Variants in IL1RAPL1 observed in about 807,000 individuals in gnomAD.
The protein encoded by IL1RAPL1 is interleukin-1 receptor accessory protein-like 1.
IL1RAPL1 carries 3 observed loss-of-function variants against 48.4 expected under a neutral mutation model. The ratio of observed to expected loss-of-function variants is 0.06; its 90% CI spans 0.03 to 0.16. The LOEUF is 0.16. Among genes scored for constraint, IL1RAPL1 ranks in the 10% least tolerant of loss-of-function variants. IL1RAPL1 has a pLI of 1.00. For synonymous variants in IL1RAPL1, 185 were observed against 187.7 expected, an observed-to-expected ratio of 0.99 and a Z score of 0.12; for missense variants, 349 against 530.6, an observed-to-expected ratio of 0.66 and a Z score of 3.36.
At chrX:29,821,798 A>G (rs1181584906) in intron 6 of IL1RAPL1, among the ~76,000 whole-genome samples, 1 of 112,700 alleles carries the variant, frequency 8.9e-6, no homozygotes, top group African/African-American at 3.2e-5. Context: ...GACAGGCATA[A>G]TCCTGAACCT....
chrX:28,988,150 A>T (rs1601998038), intron 2 of IL1RAPL1, among the ~76,000 whole-genome samples: 2 of 111,371 alleles, frequency 1.8e-5, no homozygotes, highest in Admixed American at 1.9e-4. Flanking sequence ...TTTTTTTTTA[A>T]CTACGAATGG....
intron 3 of IL1RAPL1, among the ~76,000 whole-genome samples, chrX:29,377,122 C>T (rs886546530): frequency 2.3e-4 from 26 of 111,945 alleles, no homozygotes; most frequent in Non-Finnish European, 3.9e-4. Context: ...CCTTCTTTGT[C>T]CTTCTTTATT....
intron 3 of IL1RAPL1, among the ~76,000 whole-genome samples, chrX:29,313,182 C>T (rs1205671189): frequency 1.8e-5 from 2 of 110,548 alleles, no homozygotes; most frequent in African/African-American, 6.6e-5. Flanking sequence ...AAATAGCCTT[C>T]AAAATTTTGA....
At chrX:28,804,897 T>C (rs1936712844) in intron 2 of IL1RAPL1, among the ~76,000 whole-genome samples, 1 of 111,259 alleles carries the variant, frequency 9.0e-6, no homozygotes, top group Admixed American at 9.7e-5. Flanking sequence ...ATGGAATACA[T>C]CTATATCAGG....
chrX:28,671,419 TTA>T (rs1934946098), intron 1 of IL1RAPL1, among the ~76,000 whole-genome samples: 3 of 111,981 alleles, frequency 2.7e-5, no homozygotes, highest in South Asian at 7.4e-4. Context: ...TATGATGAAA[TTA>T]CTAGAGTTTT....
chrX:29,883,139 C>G (rs1015438773), intron 6 of IL1RAPL1, among the ~76,000 whole-genome samples: 15 of 111,519 alleles, frequency 1.3e-4, no homozygotes, highest in Non-Finnish European at 2.3e-4. Context: ...ACATATACAA[C>G]TGGTAGAAGC....
At chrX:29,684,738 T>C (rs753508424) in intron 6 of IL1RAPL1, among the ~76,000 whole-genome samples, 4 of 111,870 alleles carry the variant, frequency 3.6e-5, no homozygotes, top group African/African-American at 1.3e-4. Flanking sequence ...ATGAACAGAA[T>C]GTCTCGAGAG....
chrX:29,093,209 A>G (rs780745005), intron 2 of IL1RAPL1, among the ~76,000 whole-genome samples: 1 of 111,560 alleles, frequency 9.0e-6, no homozygotes, highest in East Asian at 2.8e-4. Context: ...TTGGCTCACA[A>G]TTCCACAGGC....
Position 29,648,856 on chromosome X carries a change from C to CA in IL1RAPL1, c.704-19570dup, listed in dbSNP as rs1323090859. The stretch of plus-strand genomic sequence containing the variant: ...GAATGAAGCAAAGGCTTTTTGAAGA[C>CA]AAAATCAACAAACCTTTAACTAGAT... On this transcript the variant is annotated intron_variant, in intron 5 of 10. Transcript: ENST00000378993. 3.6e-5 allele frequency among the ~76,000 whole-genome samples: 4 copies of CA among 110,438 alleles called. No individual in the cohort carries two copies. The Admixed American group carries it at 3.9e-4, about 11-fold the overall frequency.
At chrX:29,113,507 G>T (rs1928615901) in intron 2 of IL1RAPL1, among the ~76,000 whole-genome samples, 1 of 111,791 alleles carries the variant, frequency 8.9e-6, no homozygotes, top group South Asian at 3.8e-4. Context: ...ACATAATGAG[G>T]CTACTTACCC....
chrX:29,535,335 A>G (rs191371087), intron 5 of IL1RAPL1, among the ~76,000 whole-genome samples: 250 of 110,565 alleles, frequency 2.3e-3, no homozygotes, highest in African/African-American at 7.6e-3. Context: ...ATAAAAATGT[A>G]TAAGGTTAAG....
At chrX:28,868,107 G>A (rs752417565) in intron 2 of IL1RAPL1, among the ~76,000 whole-genome samples, 13 of 111,254 alleles carry the variant, frequency 1.2e-4, no homozygotes, top group Admixed American at 1.1e-3. Flanking sequence ...ACAAAAAAAA[G>A]TATAGTCACC....
At chrX:29,403,361 G>A (rs1371363688) in intron 5 of IL1RAPL1, among the ~76,000 whole-genome samples, 1 of 111,030 alleles carries the variant, frequency 9.0e-6, no homozygotes, top group Non-Finnish European at 1.9e-5. Context: ...GTGTGTGTGT[G>A]TGTATGTATG....
At chrX:29,176,297 G>A (rs1465026914) in intron 2 of IL1RAPL1, among the ~76,000 whole-genome samples, 1 of 103,328 alleles carries the variant, frequency 9.7e-6, no homozygotes, top group Non-Finnish European at 2.0e-5. Flanking sequence ...GTAGAGACGG[G>A]GTTTCACCGT....
intron 6 of IL1RAPL1, among the ~76,000 whole-genome samples, chrX:29,691,516 G>A (rs1367473207): frequency 9.0e-6 from 1 of 111,149 alleles, no homozygotes; most frequent in Admixed American, 9.6e-5. Context: ...CCATAATAAA[G>A]GTGCCAAATG....
intron 6 of IL1RAPL1, among the ~76,000 whole-genome samples, chrX:29,761,828 C>G (rs2147145784): frequency 8.9e-6 from 1 of 111,904 alleles, no homozygotes; most frequent in African/African-American, 3.2e-5. Flanking sequence ...AGCACAATAT[C>G]TAACAACCTG....
chrX:29,479,431 A>AAAAAAAAAAAAAAAAAAT (rs1384814024), intron 5 of IL1RAPL1, among the ~76,000 whole-genome samples: 52 of 105,885 alleles, frequency 4.9e-4, no homozygotes, highest in African/African-American at 1.7e-3. Flanking sequence ...AAAAAAAAAA[A>AAAAAAAAAAAAAAAAAAT]TTAGCATTGT....
chrX:28,664,142 G>C (rs1934850214), intron 1 of IL1RAPL1, among the ~76,000 whole-genome samples: 1 of 111,855 alleles, frequency 8.9e-6, no homozygotes, highest in African/African-American at 3.3e-5. Flanking sequence ...AAACAAAAAA[G>C]ACAACAAATC....
chrX:28,857,539 T>C (rs1372390783), intron 2 of IL1RAPL1, among the ~76,000 whole-genome samples: 1 of 111,502 alleles, frequency 9.0e-6, no homozygotes, highest in African/African-American at 3.3e-5. Flanking sequence ...CTGAAAATCC[T>C]AGGGCCTTTA....
Sources: gnomAD v4.1 joint callset for allele counts (sites outside exome capture counted in the v4.1 genomes callset) on GRCh38, gnomAD v4.1.1 for gene constraint, MANE v1.5 for transcripts, NCBI Gene and HGNC (gene_info 2026-07-23, HGNC 2026-07-21) for gene names.